The following BPIFB3 variants were observed in gnomAD, a reference collection of about 807,000 sequenced individuals.
BPIFB3 encodes the protein BPI fold-containing family B member 3.
A neutral mutation model predicts 53.1 loss-of-function variants in BPIFB3; 49 were observed. The ratio of observed to expected loss-of-function variants is 0.92; its 90% CI spans 0.73 to 1.17. BPIFB3 has a LOEUF of 1.17. BPIFB3 is among the 50% of genes most tolerant of loss of function. The pLI is 0.00. For synonymous variants in BPIFB3, 271 were observed against 269.6 expected, an observed-to-expected ratio of 1.01 and a Z score of -0.05; for missense variants, 628 against 592.5, an observed-to-expected ratio of 1.06 and a Z score of -0.62.
At chr20:33,055,891 C>T (rs1258000750) in intron 1 of BPIFB3, among the ~76,000 whole-genome samples, 1 of 152,146 alleles carries the variant, frequency 6.6e-6, no homozygotes, top group Non-Finnish European at 1.5e-5. Flanking sequence ...GGTAAGGGAA[C>T]TGTACTTGGC....
Position 33,055,572 on chromosome 20 carries a change from G to A in BPIFB3, c.124+25G>A, listed in dbSNP as rs755662552. 5.6e-6 allele frequency: 9 copies of A among 1,612,758 alleles called. No individual in the cohort carries two copies. In the East Asian group the frequency reaches 1.8e-4, roughly 32 times the overall value. On this transcript the variant is annotated intron_variant, in intron 1 of 14. Transcript: ENST00000375494. ...GGTGAGCCCCAGGTGGGCAGTCTGT[G>A]AGGGGGCTGCTGCAATGTCAACGAC...
chr20:33,071,096 A>G (rs905912652), intron 11 of BPIFB3, among the ~76,000 whole-genome samples, 157 bp from the exon 13 acceptor site: 6 of 151,826 alleles, frequency 4.0e-5, no homozygotes, highest in African/African-American at 1.5e-4. Flanking sequence ...TTTTACAGGT[A>G]GGAAAACTGA....
chr20:33,068,767 C>A, intron 9 of BPIFB3, 36 bp from the exon 11 acceptor site: 1 of 1,598,056 alleles, frequency 6.3e-7, no homozygotes, highest in Non-Finnish European at 8.5e-7. Flanking sequence ...GATTGTAGTC[C>A]TGGGGCATCT....
intron 10 of BPIFB3, among the ~76,000 whole-genome samples, 173 bp downstream of exon 11, chr20:33,069,146 G>A (rs189989822): frequency 3.4e-4 from 52 of 152,190 alleles, no homozygotes; most frequent in African/African-American, 1.0e-3. Context: ...TGAGACCCAA[G>A]CCCCTGCTTC....
At chr20:33,068,876 T>A in exon 10 of BPIFB3, 1 of 1,613,974 alleles carries the variant, frequency 6.2e-7, no homozygotes, top group Middle Eastern at 1.7e-4. Flanking sequence ...ACGGTCACAC[T>A]CCACAACAAG....
At chr20:33,055,987 G>GC (rs957996990) in intron 1 of BPIFB3, among the ~76,000 whole-genome samples, 5 of 152,092 alleles carry the variant, frequency 3.3e-5, no homozygotes, top group Non-Finnish European at 7.4e-5. Context: ...CTTCAGAGAG[G>GC]CCCCCTGGCC....
At chr20:33,072,316 A>G (rs1485055147) in intron 13 of BPIFB3, 149 bp downstream of exon 14, 2 of 862,160 alleles carry the variant, frequency 2.3e-6, no homozygotes, top group Non-Finnish European at 3.8e-6. Context: ...TGAGGCACCA[A>G]TTTTTCCATT....
rs531498880 is a variant in BPIFB3 at position 33,056,342 on chromosome 20, C to T, written c.125-200C>T. Among the ~76,000 whole-genome samples, 4 of 152,328 alleles carry T rather than the reference C, an allele frequency of 2.6e-5. No individual in the cohort carries two copies. In the South Asian group the frequency reaches 8.3e-4, roughly 32 times the overall value. On this transcript the variant is annotated intron_variant, in intron 1 of 14. Transcript: ENST00000375494. Reference sequence around the variant, plus strand: ...TACTGGGTACCTCCCACATGCCAGGCAGGGAGGGTGGCCACAGGCCCTGCG... The same window carrying T: ...TACTGGGTACCTCCCACATGCCAGGTAGGGAGGGTGGCCACAGGCCCTGCG...
intron 11 of BPIFB3, among the ~76,000 whole-genome samples, 170 bp downstream of exon 12, chr20:33,070,125 T>C (rs376574499): frequency 2.0e-5 from 3 of 152,160 alleles, no homozygotes; most frequent in African/African-American, 7.2e-5. Context: ...TAGTCCATGT[T>C]ATAGACAAGG....
chr20:33,059,824 C>T, intron 3 of BPIFB3, 67 bp from the exon 5 acceptor site: 2 of 1,572,252 alleles, frequency 1.3e-6, no homozygotes, highest in South Asian at 1.2e-5. Flanking sequence ...GGCAGGGCCA[C>T]CCTGGTGGGC....
At chr20:33,058,322 C>T (rs1281929093) in intron 2 of BPIFB3, among the ~76,000 whole-genome samples, 3 of 152,120 alleles carry the variant, frequency 2.0e-5, no homozygotes, top group Non-Finnish European at 2.9e-5. Flanking sequence ...GCTCGAGGTT[C>T]GCTGTGTGTC....
At chr20:33,060,359 C>G (rs1568993292) in intron 4 of BPIFB3, among the ~76,000 whole-genome samples, 1 of 152,166 alleles carries the variant, frequency 6.6e-6, no homozygotes, top group South Asian at 2.1e-4. Context: ...AGCCCCTGCT[C>G]TCAGCACATG....
chr20:33,059,443 A>G, exon 3 of BPIFB3: 1 of 1,612,854 alleles, frequency 6.2e-7, no homozygotes, highest in Non-Finnish European at 8.5e-7. Flanking sequence ...TTTGGGGTGC[A>G]GCTGAGCCTG....
At chr20:33,061,966 C>A in intron 5 of BPIFB3, 135 bp downstream of exon 6, 1 of 1,056,520 alleles carries the variant, frequency 9.5e-7, no homozygotes, top group Non-Finnish European at 1.4e-6. Context: ...TAATCCCATC[C>A]GGGCCTGCTG....
intron 14 of BPIFB3, among the ~76,000 whole-genome samples, chr20:33,073,037 A>G (rs1980972042): frequency 6.6e-6 from 1 of 152,172 alleles, no homozygotes; most frequent in South Asian, 2.1e-4. Context: ...GTTCTTTCCC[A>G]TTGGATTCAG....
exon 1 of BPIFB3, chr20:33,055,481 C>G: frequency 6.2e-7 from 1 of 1,613,814 alleles, no homozygotes; most frequent in Non-Finnish European, 8.5e-7. Context: ...CCTGGCGACT[C>G]CATGCCAGGA....
At chr20:33,064,747 C>T (rs1023309183) in exon 8 of BPIFB3, 1 of 1,614,048 alleles carries the variant, frequency 6.2e-7, no homozygotes, top group African/African-American at 1.3e-5. Flanking sequence ...CAAGAAGGAC[C>T]ACACATCCCA....
chr20:33,073,770 T>C (rs557977824), downstream of BPIFB3: 21 of 735,946 alleles, frequency 2.9e-5, no homozygotes, highest in South Asian at 3.0e-4. Context: ...TGGCTAATCA[T>C]AGAACTGCCT....
intron 2 of BPIFB3, among the ~76,000 whole-genome samples, chr20:33,058,798 G>C (rs2146381141): frequency 6.6e-6 from 1 of 152,132 alleles, no homozygotes; most frequent in African/African-American, 2.4e-5. Context: ...CAGAAAACCA[G>C]GATGGAAGGC....
Sources: gnomAD v4.1 joint callset for allele counts (sites outside exome capture counted in the v4.1 genomes callset) on GRCh38, gnomAD v4.1.1 for gene constraint, MANE v1.5 for transcripts, NCBI Gene and HGNC (gene_info 2026-07-23, HGNC 2026-07-21) for gene names.